Variants in FBLN2 observed in about 807,000 individuals in gnomAD.
FBLN2 encodes fibulin 2, also known as fibulin-2.
A neutral mutation model predicts 123.7 loss-of-function variants in FBLN2; 81 were observed. That is an observed-to-expected ratio of 0.65 (90% CI 0.55 to 0.79). FBLN2 has a LOEUF of 0.79. Among genes scored for constraint, FBLN2 ranks in the 30% least tolerant of loss-of-function variants. FBLN2 has a pLI of 0.00. For synonymous variants in FBLN2, 699 were observed against 701.4 expected, an observed-to-expected ratio of 1.00 and a Z score of 0.05; for missense variants, 1,603 against 1,681.3, an observed-to-expected ratio of 0.95 and a Z score of 0.81.
intron 2 of FBLN2, among the ~76,000 whole-genome samples, chr3:13,574,968 A>T (rs1704087668): frequency 6.6e-6 from 1 of 151,744 alleles, no homozygotes; most frequent in African/African-American, 2.4e-5. Context: ...CCCCCATTAG[A>T]CTCTAAACGA....
intron 4 of FBLN2, 47 bp downstream of exon 4, chr3:13,609,689 C>CCCCGG: frequency 4.7e-6 from 2 of 428,808 alleles, no homozygotes; most frequent in Non-Finnish European, 4.6e-6. Flanking sequence ...TGGGGCGGGG[C>CCCCGG]GGGAGGCTGG....
At chr3:13,551,069 C>T (rs191815308) in intron 1 of FBLN2, among the ~76,000 whole-genome samples, 245 of 152,340 alleles carry the variant, frequency 1.6e-3, no homozygotes, top group Non-Finnish European at 2.9e-3. Flanking sequence ...TGTTTGGTCC[C>T]CGTCCCCACC....
chr3:13,609,688 G>GGGGGGGGC, intron 4 of FBLN2, 46 bp downstream of exon 4: 28 of 512,594 alleles, frequency 5.5e-5, no homozygotes, highest in East Asian at 1.3e-4. Flanking sequence ...GTGGGGCGGG[G>GGGGGGGGC]CGGGAGGCTG....
chr3:13,566,216 G>C (rs1424538215), intron 1 of FBLN2, among the ~76,000 whole-genome samples: 1 of 152,208 alleles, frequency 6.6e-6, no homozygotes, highest in African/African-American at 2.4e-5. Flanking sequence ...GGTGGGAGCT[G>C]TCTGCAGAAG....
chr3:13,577,957 G>A (rs918206463), intron 2 of FBLN2, among the ~76,000 whole-genome samples: 1 of 152,186 alleles, frequency 6.6e-6, no homozygotes, highest in Non-Finnish European at 1.5e-5. Context: ...GTAGCAGGGG[G>A]CCCCAGTCTC....
intron 1 of FBLN2, among the ~76,000 whole-genome samples, chr3:13,564,923 G>A (rs1433765234): frequency 1.3e-5 from 2 of 152,186 alleles, no homozygotes; most frequent in Non-Finnish European, 2.9e-5. Context: ...ACAGCAGAGC[G>A]AGGAGCTTGT....
chr3:13,601,918 C>T (rs1037880630), intron 2 of FBLN2, among the ~76,000 whole-genome samples: 1 of 152,212 alleles, frequency 6.6e-6, no homozygotes, highest in African/African-American at 2.4e-5. Context: ...TCCCCTCAGG[C>T]TCCTGAATAG....
chr3:13,600,198 C>A (rs1384378106), intron 2 of FBLN2, among the ~76,000 whole-genome samples: 2 of 152,006 alleles, frequency 1.3e-5, no homozygotes, highest in Non-Finnish European at 2.9e-5. Context: ...GGCCTCTGGA[C>A]ATGAGATGAG....
rs766545907 is a variant in FBLN2, at chr3:13,637,719, C to T, written c.3496C>T (p.Leu1166=). ...APAFTGDTIA[L]NIIKGNEEGY... ...AGCCTTCACGGGGGACACCATCGCC[C>T]TGAACATCATCAAGGGCAATGAGGA... Residue 1166 remains leucine, a synonymous_variant, in exon 18 of 18, where the codon CTG becomes TTG. Transcript: ENST00000404922. The T allele has an allele frequency of 5.0e-6, 8 of 1,614,018 alleles. No individual in the cohort carries two copies. Among genetic ancestry groups the T allele is most frequent in the South Asian group, 1.1e-5 (1 of 91,090 alleles).
At chr3:13,636,891 G>T (rs41284005) in intron 17 of FBLN2, among the ~76,000 whole-genome samples, 28 of 152,302 alleles carry the variant, frequency 1.8e-4, no homozygotes, top group African/African-American at 6.7e-4. Flanking sequence ...TTGTCACGCA[G>T]TGTCTGAGGG....
At chr3:13,606,337 T>C (rs1705202582) in intron 2 of FBLN2, among the ~76,000 whole-genome samples, 1 of 152,272 alleles carries the variant, frequency 6.6e-6, no homozygotes, top group South Asian at 2.1e-4. Flanking sequence ...ATTATATGTG[T>C]ACATGGAGTT....
chr3:13,555,726 T>A (rs991183090), intron 1 of FBLN2, among the ~76,000 whole-genome samples: 2 of 152,218 alleles, frequency 1.3e-5, no homozygotes, highest in African/African-American at 4.8e-5. Context: ...AGTGCTGGGA[T>A]TACAGGCGTG....
At chr3:13,600,616 C>CTTT (rs35007080) in intron 2 of FBLN2, among the ~76,000 whole-genome samples, 7 of 137,772 alleles carry the variant, frequency 5.1e-5, no homozygotes, top group South Asian at 4.7e-4. Flanking sequence ...ATTTTGTACA[C>CTTT]TTTTTTTTTT....
chr3:13,564,592 C>T (rs755207431), intron 1 of FBLN2, among the ~76,000 whole-genome samples: 1 of 152,152 alleles, frequency 6.6e-6, no homozygotes, highest in East Asian at 1.9e-4. Flanking sequence ...TGTGCACATC[C>T]CAGATCTGTA....
At chr3:13,588,961 A>G (rs1206015492) in intron 2 of FBLN2, among the ~76,000 whole-genome samples, 1 of 152,228 alleles carries the variant, frequency 6.6e-6, no homozygotes, top group African/African-American at 2.4e-5. Context: ...AAGAATCAGA[A>G]TTACATCAAA....
At chr3:13,565,563 C>G (rs927163937) in intron 1 of FBLN2, among the ~76,000 whole-genome samples, 5 of 152,220 alleles carry the variant, frequency 3.3e-5, no homozygotes, top group African/African-American at 1.2e-4. Flanking sequence ...GAGTTTGAGA[C>G]CAGTCTGGGC....
chr3:13,549,233 C>T (rs1703258064), intron 1 of FBLN2, 25 bp downstream of exon 1: 1 of 982,926 alleles, frequency 1.0e-6, no homozygotes, highest in Non-Finnish European at 1.2e-6. Context: ...CCCCTCCCGC[C>T]CGGACTCATC....
chr3:13,585,879 A>G (rs1704480654), intron 2 of FBLN2, among the ~76,000 whole-genome samples: 1 of 152,242 alleles, frequency 6.6e-6, no homozygotes, highest in Non-Finnish European at 1.5e-5. Context: ...CTGTGTTACC[A>G]GTTTATGTAT....
At chr3:13,629,434 G>A in intron 13 of FBLN2, 142 bp downstream of exon 13, 2 of 1,195,448 alleles carry the variant, frequency 1.7e-6, no homozygotes, top group East Asian at 5.2e-5. Flanking sequence ...CTTCCAGCTG[G>A]CCTCATCCTC....
Sources: gnomAD v4.1 joint callset for allele counts (sites outside exome capture counted in the v4.1 genomes callset) on GRCh38, gnomAD v4.1.1 for gene constraint, MANE v1.5 for transcripts, NCBI Gene and HGNC (gene_info 2026-07-23, HGNC 2026-07-21) for gene names.